PSD3: variants seen among roughly 807,000 people sequenced by gnomAD.
PSD3 encodes the protein pleckstrin and Sec7 domain containing 3, also known as PH and SEC7 domain-containing protein 3.
In PSD3, 49 loss-of-function variants were observed where a neutral mutation model predicts 105.5. The ratio of observed to expected loss-of-function variants is 0.46; its 90% CI spans 0.37 to 0.59. The LOEUF (loss-of-function observed/expected upper bound fraction) is 0.59, where lower values mean the gene tolerates loss of function less well. Ranked by LOEUF, PSD3 falls within the 20% of genes least tolerant of loss-of-function variation. The pLI is 0.00. For missense variants in PSD3, 1,561 were observed against 1,263.8 expected (o/e 1.24, Z -3.57); for synonymous variants, 557 against 457.8 (o/e 1.22, Z -2.77).
chr8:18,808,500 C>A (rs1368274758), intron 4 of PSD3, among the ~76,000 whole-genome samples: 1 of 152,148 alleles, frequency 6.6e-6, no homozygotes, highest in South Asian at 2.1e-4. Flanking sequence ...ACTATGCTGC[C>A]CAGTCCAGAT....
intron 2 of PSD3, among the ~76,000 whole-genome samples, chr8:18,881,226 G>C (rs911741639): frequency 2.0e-5 from 3 of 152,122 alleles, no homozygotes; most frequent in African/African-American, 7.2e-5. Flanking sequence ...AAAGAAATGA[G>C]ATACATTTGA....
intron 1 of PSD3, among the ~76,000 whole-genome samples, chr8:19,038,213 G>A (rs1011964934): frequency 1.3e-5 from 2 of 152,004 alleles, no homozygotes; most frequent in African/African-American, 4.8e-5. Context: ...CTAACAAGGC[G>A]ACTTTAGAAT....
At chr8:18,792,887 T>A (rs1463158554) in intron 8 of PSD3, among the ~76,000 whole-genome samples, 2 of 152,194 alleles carry the variant, frequency 1.3e-5, no homozygotes, top group African/African-American at 4.8e-5. Context: ...TTATGTTTAT[T>A]GCGGCACTAT....
At chr8:18,548,531 C>T (rs1167023579) in intron 15 of PSD3, among the ~76,000 whole-genome samples, 1 of 152,134 alleles carries the variant, frequency 6.6e-6, no homozygotes, top group East Asian at 1.9e-4. Context: ...CATATCTACT[C>T]TATACTTCTC....
intron 9 of PSD3, among the ~76,000 whole-genome samples, chr8:18,677,966 G>A (rs559703677): frequency 2.0e-5 from 3 of 148,134 alleles, no homozygotes; most frequent in Admixed American, 6.7e-5. Flanking sequence ...GCCGAGATCA[G>A]GCCACTGCAC....
chr8:18,754,803 T>C (rs1371883066), intron 9 of PSD3, among the ~76,000 whole-genome samples: 1 of 152,182 alleles, frequency 6.6e-6, no homozygotes, highest in Non-Finnish European at 1.5e-5. Context: ...AGCATTACTA[T>C]AACAACACAC....
chr8:19,081,255 G>C (rs921415366), intron 1 of PSD3, among the ~76,000 whole-genome samples: 13 of 152,178 alleles, frequency 8.5e-5, no homozygotes, highest in Admixed American at 2.6e-4. Flanking sequence ...AAGCTGGCTG[G>C]ACTCATTCGT....
intron 11 of PSD3, among the ~76,000 whole-genome samples, chr8:18,611,286 T>G (rs564600360): frequency 4.8e-4 from 73 of 152,100 alleles, no homozygotes; most frequent in African/African-American, 1.6e-3. Flanking sequence ...CTTTTAACCT[T>G]CACCTTTTGT....
intron 9 of PSD3, among the ~76,000 whole-genome samples, chr8:18,697,231 C>T (rs183543352): frequency 6.6e-5 from 10 of 152,170 alleles, no homozygotes; most frequent in East Asian, 1.9e-4. Flanking sequence ...ATTAACTGCT[C>T]GACAGCGACA....
chr8:18,691,005 TA>T (rs199758994), intron 9 of PSD3, among the ~76,000 whole-genome samples: 6,426 of 142,884 alleles, frequency 0.045, 275 homozygotes, highest in East Asian at 0.23. Context: ...CGGTTAGGAG[TA>T]AAAAAAAAAA....
rs556742710 is a variant in PSD3 at position 18,656,136 on chromosome 8, C to T, written c.2173-451G>A. Reference sequence around the variant, plus strand: ...GCAACGGCACAATCTTGGCTCACTGCAACCTCTGCCTCCTGGGTTCAAGTG... The same window carrying T: ...GCAACGGCACAATCTTGGCTCACTGTAACCTCTGCCTCCTGGGTTCAAGTG... On this transcript the variant is annotated intron_variant, in intron 9 of 15. Transcript: ENST00000327040. Among the ~76,000 whole-genome samples, 22 of 152,318 alleles carry T rather than the reference C, an allele frequency of 1.4e-4. No homozygotes were observed. The South Asian group carries it at 4.1e-3, about 29-fold the overall frequency.
At chr8:18,553,063 T>A (rs570501371) in intron 15 of PSD3, among the ~76,000 whole-genome samples, 2 of 141,204 alleles carry the variant, frequency 1.4e-5, no homozygotes, top group East Asian at 3.9e-4. Flanking sequence ...TGAAGCACTG[T>A]TTGTACTCAA....
At chr8:18,835,551 G>C (rs1334740577) in intron 4 of PSD3, among the ~76,000 whole-genome samples, 1 of 152,316 alleles carries the variant, frequency 6.6e-6, no homozygotes, top group South Asian at 2.1e-4. Context: ...GAAGTGATAA[G>C]TAAAATACGT....
chr8:18,818,007 G>A (rs1012802714), intron 4 of PSD3, among the ~76,000 whole-genome samples: 1 of 152,202 alleles, frequency 6.6e-6, no homozygotes, highest in African/African-American at 2.4e-5. Flanking sequence ...AGGCTGGAGT[G>A]CAGTGGCGCG....
intron 10 of PSD3, among the ~76,000 whole-genome samples, chr8:18,644,984 C>A (rs796668469): frequency 6.6e-6 from 1 of 152,186 alleles, no homozygotes; most frequent in South Asian, 2.1e-4. Context: ...TGCTTTGCTG[C>A]CCTTCTCCTA....
chr8:19,061,036 T>C (rs1828879814), intron 1 of PSD3, among the ~76,000 whole-genome samples: 1 of 152,186 alleles, frequency 6.6e-6, no homozygotes, highest in African/African-American at 2.4e-5. Flanking sequence ...CAGGGTTTCC[T>C]TCACAGCCTT....
intron 2 of PSD3, among the ~76,000 whole-genome samples, chr8:18,913,171 ATGC>A (rs1341575681): frequency 6.6e-6 from 1 of 151,792 alleles, no homozygotes; most frequent in Non-Finnish European, 1.5e-5. Context: ...TAATTGCTAG[ATGC>A]TTCAGTCTTT....
chr8:18,973,618 A>AG (rs1345424762), intron 1 of PSD3, among the ~76,000 whole-genome samples: 10 of 152,150 alleles, frequency 6.6e-5, no homozygotes, highest in Non-Finnish European at 1.5e-5. Flanking sequence ...TATGGGTTAG[A>AG]ACTTGAACAT....
chr8:18,668,536 G>T (rs532610946), intron 9 of PSD3, among the ~76,000 whole-genome samples: 83 of 152,280 alleles, frequency 5.5e-4, no homozygotes, highest in South Asian at 5.2e-3. Flanking sequence ...CTCTAGAAAT[G>T]CCACAGCTGA....
Sources: gnomAD v4.1 joint callset for allele counts (sites outside exome capture counted in the v4.1 genomes callset) on GRCh38, gnomAD v4.1.1 for gene constraint, MANE v1.5 for transcripts, NCBI Gene and HGNC (gene_info 2026-07-23, HGNC 2026-07-21) for gene names.